MAK: variants seen among roughly 807,000 people sequenced by gnomAD.
MAK encodes the protein male germ cell associated kinase.
Under a neutral mutation model 82.6 loss-of-function variants are expected in MAK, and 65 were observed. The observed-to-expected ratio is 0.79, with a 90% CI of 0.64 to 0.97. The LOEUF is 0.97. MAK is among the 50% of genes least tolerant of loss of function. The pLI is 0.00. For synonymous variants in MAK, 250 were observed against 274.2 expected (o/e 0.91, Z 0.87); for missense variants, 703 against 780.2 (o/e 0.90, Z 1.18).
At position 10,773,119 on chromosome 6, in the gene MAK, G is replaced by C; in HGVS notation, c.1598-11C>G. 6.4e-6 allele frequency: 9 copies of C among 1,402,070 alleles called. No homozygotes were observed. Among genetic ancestry groups the C allele is most frequent in the Non-Finnish European group, 7.8e-6 (8 of 1,032,170 alleles). 86.9% of individuals were successfully genotyped at this position (1,402,070 alleles called of 1,614,324 possible). On this transcript the variant is annotated splice_polypyrimidine_tract_variant and intron_variant, in intron 12 of 14. Coordinates refer to ENST00000354489, the MANE Select transcript of MAK (RefSeq NM_001242957.3). ...TAATTATGCTTTCTTCTAAAGAGAA[G>C]ACAGATGGAAAGAAAGAATAATAGT...
At chr6:10,807,168 C>G (rs1210828150) in intron 6 of MAK, among the ~76,000 whole-genome samples, 2 of 151,906 alleles carry the variant, frequency 1.3e-5, no homozygotes, top group Non-Finnish European at 1.5e-5. Context: ...AAGGCTTTTA[C>G]TCTGCCTAAA....
At chr6:10,821,452 T>C (rs1777931746) in intron 2 of MAK, among the ~76,000 whole-genome samples, 1 of 151,734 alleles carries the variant, frequency 6.6e-6, no homozygotes, top group Admixed American at 6.6e-5. Flanking sequence ...ATTTTTGTAT[T>C]TTTAGTACAG....
chr6:10,820,922 C>T (rs916083997), intron 2 of MAK, among the ~76,000 whole-genome samples: 1 of 152,122 alleles, frequency 6.6e-6, no homozygotes, highest in Non-Finnish European at 1.5e-5. Flanking sequence ...TGTGAAACTG[C>T]ACATATAATC....
intron 1 of MAK, among the ~76,000 whole-genome samples, chr6:10,836,600 G>A (rs559052461): frequency 1.2e-4 from 19 of 152,260 alleles, no homozygotes; most frequent in African/African-American, 4.6e-4. Flanking sequence ...TGGTTCTCCA[G>A]TTCACGCACA....
At chr6:10,790,694 T>C (rs939222059) in intron 10 of MAK, among the ~76,000 whole-genome samples, 2 of 152,234 alleles carry the variant, frequency 1.3e-5, no homozygotes, top group Admixed American at 6.5e-5. Flanking sequence ...ATGGGAATAA[T>C]GATTGTCATT....
chr6:10,813,150 TTTTTTTTTTTTTTTTTG>T, intron 5 of MAK, among the ~76,000 whole-genome samples: 10 of 46,298 alleles, frequency 2.2e-4, no homozygotes, highest in African/African-American at 1.2e-3. Context: ...TTTTTTTTTT[TTTTTTTTTTTTTTTTTG>T]AGATGGAGTC....
chr6:10,831,151 T>C (rs1419652335), intron 1 of MAK, among the ~76,000 whole-genome samples: 3 of 152,178 alleles, frequency 2.0e-5, no homozygotes, highest in Non-Finnish European at 4.4e-5. Flanking sequence ...AAATATAATC[T>C]ACATTATTCC....
chr6:10,833,736 G>A (rs60760932), intron 1 of MAK, among the ~76,000 whole-genome samples: 17 of 152,200 alleles, frequency 1.1e-4, no homozygotes, highest in Admixed American at 3.3e-4. Context: ...TCCATGGCCA[G>A]GATCTTGAAA....
At chr6:10,767,401 A>G (rs773601809) in intron 14 of MAK, among the ~76,000 whole-genome samples, 9 of 152,182 alleles carry the variant, frequency 5.9e-5, no homozygotes, top group Non-Finnish European at 1.3e-4. Context: ...TGCTGTGTAG[A>G]ACAGAAGTCA....
chr6:10,777,830 G>T (rs1376976020), intron 11 of MAK, among the ~76,000 whole-genome samples: 1 of 151,986 alleles, frequency 6.6e-6, no homozygotes, highest in African/African-American at 2.4e-5. Flanking sequence ...TAGAGACAGG[G>T]TTTCTCCATG....
rs1415609588 is a variant in MAK, at chr6:10,784,590, G to A, written c.1317-18C>T. 2 of 1,589,600 alleles carry A rather than the reference G, an allele frequency of 1.3e-6. No individual in the cohort carries two copies. The highest frequency in any genetic ancestry group is 1.7e-6 in the Non-Finnish European group (2 of 1,166,926). ...CTGGAAGCCTTGAAAGCCAATGAAA[G>A]GTAGCATTACAGCACGAACAACGAG... On this transcript the variant is annotated intron_variant, in intron 10 of 14. Coordinates refer to ENST00000354489, the MANE Select transcript of MAK (RefSeq NM_001242957.3).
chr6:10,831,453 A>G (rs1304009405), intron 1 of MAK, among the ~76,000 whole-genome samples: 1 of 152,210 alleles, frequency 6.6e-6, no homozygotes, highest in Non-Finnish European at 1.5e-5. Flanking sequence ...AGGTTCATAC[A>G]AAGAAATAAG....
intron 11 of MAK, among the ~76,000 whole-genome samples, chr6:10,777,333 A>C (rs971867169): frequency 6.6e-6 from 1 of 151,694 alleles, no homozygotes. Context: ...AATCACTTGA[A>C]CCCAAGTTGT....
In MAK at chr6:10,800,526, C is replaced by CT. The variant is rs542277775; in HGVS notation, c.831+1365dup. Among the ~76,000 whole-genome samples, 31 of 146,132 alleles carry CT rather than the reference C, an allele frequency of 2.1e-4. No individual in the cohort carries two copies. The highest frequency in any genetic ancestry group is 6.2e-4 in the Admixed American group (9 of 14,530). On this transcript the variant is annotated intron_variant, in intron 8 of 14. Transcript: ENST00000354489. The surrounding 1 kb of genome is among the most constrained non-coding windows in gnomAD (Gnocchi z 4.2). ...CTTTTGTTTCTAACAGTTTAGGGTG[C>CT]TTTTTTTTTTACACTTTGAAAATGT...
chr6:10,829,980 G>A (rs1174566581), intron 2 of MAK, among the ~76,000 whole-genome samples: 1 of 151,804 alleles, frequency 6.6e-6, no homozygotes. Flanking sequence ...GGGATTACAT[G>A]TGTGCACCAC....
In MAK at chr6:10,791,762, A is replaced by G. The variant is rs144848825; in HGVS notation, c.1229T>C (p.Leu410Ser). The G allele has an allele frequency of 3.4e-5, 55 of 1,614,098 alleles. No homozygotes were observed. In the African/African-American group the frequency reaches 7.3e-4, roughly 22 times the overall value. The change falls in exon 10 of 15, where the codon TTG becomes TCG. Residue 410 changes from leucine to serine, a missense_variant. Physicochemically the swap from Leu to Ser is moderately radical, Grantham distance 145. Transcript: ENST00000354489. ...IFKSGDSWEE[L>S]EDYDFGASHS... Reference sequence around the variant, plus strand: ...GGAGGCTCCGAAATCATAGTCCTCCAACTCTTCCCAGCTATCTCCAGACTT... The same window carrying G: ...GGAGGCTCCGAAATCATAGTCCTCCGACTCTTCCCAGCTATCTCCAGACTT...
intron 13 of MAK, 24 bp downstream of exon 13, chr6:10,773,010 A>G (rs746532972): frequency 2.1e-5 from 31 of 1,451,036 alleles, no homozygotes; most frequent in Admixed American, 5.9e-5. Flanking sequence ...AACAAACTGC[A>G]TTCATCTGAC....
intron 8 of MAK, among the ~76,000 whole-genome samples, chr6:10,801,293 G>A (rs989739263): frequency 8.5e-5 from 13 of 152,182 alleles, no homozygotes; most frequent in African/African-American, 3.1e-4. Context: ...ATACAATAAA[G>A]TTTATTATTG....
chr6:10,774,226 A>G (rs1275307280), intron 12 of MAK, among the ~76,000 whole-genome samples: 1 of 144,816 alleles, frequency 6.9e-6, no homozygotes, highest in Non-Finnish European at 1.5e-5. Context: ...TCTTGTAACC[A>G]TAAGGATATT....
Sources: gnomAD v4.1 joint callset for allele counts (sites outside exome capture counted in the v4.1 genomes callset) on GRCh38, gnomAD v4.1.1 for gene constraint, Gnocchi (gnomAD v3.1) non-coding constraint, MANE v1.5 for transcripts, NCBI Gene and HGNC (gene_info 2026-07-23, HGNC 2026-07-21) for gene names.